GTF2H5: variants seen among roughly 807,000 people sequenced by gnomAD.
GTF2H5 encodes general transcription factor IIH subunit 5.
In GTF2H5, 5 loss-of-function variants were observed where a neutral mutation model predicts 7.1. The observed-to-expected ratio is 0.71, with a 90% confidence interval of 0.37 to 1.49. The LOEUF (loss-of-function observed/expected upper bound fraction) is 1.49. Among genes scored for constraint, GTF2H5 ranks in the 40% most tolerant of loss-of-function variants. The pLI is 0.03. For missense variants in GTF2H5, 80 were observed against 83.0 expected (o/e 0.96, Z 0.14); for synonymous variants, 30 against 31.7 (o/e 0.95, Z 0.18).
At chr6:158,183,372 C>G (rs1393836796) in intron 2 of GTF2H5, among the ~76,000 whole-genome samples, 1 of 152,174 alleles carries the variant, frequency 6.6e-6, no homozygotes, top group Admixed American at 6.5e-5. Flanking sequence ...TATCCATTAT[C>G]GGAGCTCAAA....
At chr6:158,175,667 G>T (rs1301537658) in intron 2 of GTF2H5, among the ~76,000 whole-genome samples, 2 of 152,110 alleles carry the variant, frequency 1.3e-5, no homozygotes, top group Non-Finnish European at 2.9e-5. Flanking sequence ...GGGAGGCTGA[G>T]GCAGGAGAAT....
At chr6:158,189,324 A>G (rs1177801364) in intron 2 of GTF2H5, among the ~76,000 whole-genome samples, 1 of 152,034 alleles carries the variant, frequency 6.6e-6, no homozygotes, top group Non-Finnish European at 1.5e-5. Flanking sequence ...ATAATCATCT[A>G]CAGACACCCC....
intron 1 of GTF2H5, among the ~76,000 whole-genome samples, chr6:158,169,132 G>T (rs1785697536): frequency 6.7e-6 from 1 of 150,170 alleles, no homozygotes; most frequent in African/African-American, 2.5e-5. Context: ...TGCTTGGGAG[G>T]CTGAGGCAGG....
In GTF2H5 at chr6:158,171,079, G is replaced by A. The variant is rs186211418; in HGVS notation, c.35+541G>A. Among the ~76,000 whole-genome samples the A allele has an allele frequency of 2.6e-5, 4 of 152,302 alleles. 2 individuals carry two copies. Among genetic ancestry groups the A allele is most frequent in the Admixed American group, 2.6e-4 (4 of 15,288 alleles). On this transcript the variant is annotated intron_variant, in intron 2 of 2. Coordinates refer to ENST00000607778, the MANE Select transcript of GTF2H5 (RefSeq NM_207118.3). ...CTTTCGGTGCCTCTAATATGAGCCA[G>A]TGCATGGATAATGATACTGTTTACT...
chr6:158,171,890 C>T (rs1174407785), intron 2 of GTF2H5, among the ~76,000 whole-genome samples: 3 of 152,128 alleles, frequency 2.0e-5, no homozygotes, highest in African/African-American at 7.2e-5. Context: ...GATCTGGACC[C>T]CAGAAGTTCT....
At chr6:158,172,398 G>A (rs1367239446) in intron 2 of GTF2H5, among the ~76,000 whole-genome samples, 3 of 151,614 alleles carry the variant, frequency 2.0e-5, no homozygotes, top group East Asian at 1.9e-4. Context: ...GGATTCAAGC[G>A]ATACTGCTGC....
intron 1 of GTF2H5, among the ~76,000 whole-genome samples, chr6:158,169,674 ATATAATATATAATATATATTATAT>A (rs1785782785): frequency 3.6e-5 from 2 of 55,474 alleles, no homozygotes; most frequent in South Asian, 4.3e-4. Context: ...ATTGTATATT[ATATAATATATAATATATATTATAT>A]AATATATTGT....
chr6:158,175,405 A>G (rs1445589836), intron 2 of GTF2H5, among the ~76,000 whole-genome samples: 1 of 152,218 alleles, frequency 6.6e-6, no homozygotes, highest in Non-Finnish European at 1.5e-5. Flanking sequence ...AACTGTAAGC[A>G]ACTTGTGATG....
Position 158,193,340 on chromosome 6 carries a change from A to G in GTF2H5, c.*1183A>G, listed in dbSNP as rs539470050. 1.3e-5 allele frequency: 2 copies of G among 152,284 alleles called. No homozygotes were observed. The highest frequency in any genetic ancestry group is 4.8e-5 in the African/African-American group (2 of 41,562). 9.4% of individuals were successfully genotyped at this position (152,284 alleles called of 1,614,324 possible). A position where few individuals can be genotyped will look rare whatever the true frequency, so the allele number is the denominator to read the frequency against. The stretch of plus-strand genomic sequence containing the variant: ...ATAGCAAGAGAGAGTTCTGTGATCA[A>G]TTGAAGGCAAAAACAGTAACACTGA... On this transcript the variant is annotated 3_prime_UTR_variant, in exon 3 of 3. Transcript: ENST00000607778.
At chr6:158,181,376 G>A (rs1434385366) in intron 2 of GTF2H5, among the ~76,000 whole-genome samples, 1 of 152,188 alleles carries the variant, frequency 6.6e-6, no homozygotes, top group East Asian at 1.9e-4. Flanking sequence ...TTCTGTAGAT[G>A]TCTGTTAGGT....
chr6:158,174,285 T>A (rs1406440794), intron 2 of GTF2H5, among the ~76,000 whole-genome samples: 12 of 152,190 alleles, frequency 7.9e-5, no homozygotes, highest in Non-Finnish European at 1.8e-4. Context: ...TCCACATATA[T>A]CTTAGATTGG....
rs34979024 is a variant in GTF2H5, at chr6:158,193,149, C to CA, written c.*1003dup. The CA allele has an allele frequency of 0.025, 3,356 of 136,396 alleles. 56 individuals are homozygous for CA. The highest frequency in any genetic ancestry group is 0.039 in the Non-Finnish European group (2,469 of 62,810). The allele number at this position is 136,396 out of a possible 1,614,324, so 8.4% of individuals were successfully genotyped here. On this transcript the variant is annotated 3_prime_UTR_variant, in exon 3 of 3. Coordinates refer to ENST00000607778, the MANE Select transcript of GTF2H5 (RefSeq NM_207118.3). ...TCCAGGAGTCGAAACCCTGTCTCTA[C>CA]AAAAAAAAAAATACAAAAATCTGCC...
In GTF2H5 at chr6:158,199,033, A is replaced by T. The variant is rs115534740; in HGVS notation, c.*6876A>T. 5.0e-3 allele frequency: 768 copies of T among 152,260 alleles called. 11 individuals are homozygous for T. Among genetic ancestry groups the T allele is most frequent in the African/African-American group, 0.018 (732 of 41,542 alleles). 9.4% of individuals were successfully genotyped at this position (152,260 alleles called of 1,614,324 possible). On this transcript the variant is annotated 3_prime_UTR_variant, in exon 3 of 3. Coordinates refer to ENST00000607778, the MANE Select transcript of GTF2H5 (RefSeq NM_207118.3). Reference sequence around the variant, plus strand: ...AATTTGTTAATTCTCCATGATTAGCACCTTTATGTGGTTATCTCATTATTT... The same window carrying T: ...AATTTGTTAATTCTCCATGATTAGCTCCTTTATGTGGTTATCTCATTATTT...
intron 2 of GTF2H5, 152 bp from the exon 3 acceptor site, chr6:158,191,825 G>C: frequency 1.5e-6 from 1 of 679,108 alleles, no homozygotes; most frequent in Admixed American, 2.2e-5. Flanking sequence ...TCTATAAATT[G>C]TTAACACTTG....
Position 158,196,069 on chromosome 6 carries a change from C to G in GTF2H5, c.*3912C>G, listed in dbSNP as rs1430961827. ...GGCCGAGGCGGGCAAATCACAAGGT[C>G]AGGAGATCAAAACAATCCTGGCTAA... On this transcript the variant is annotated 3_prime_UTR_variant, in exon 3 of 3. Transcript: ENST00000607778. The G allele has an allele frequency of 6.6e-6, 1 of 152,104 alleles. No individual in the cohort carries two copies. The highest frequency in any genetic ancestry group is 1.5e-5 in the Non-Finnish European group (1 of 68,060). 9.4% of individuals were successfully genotyped at this position (152,104 alleles called of 1,614,324 possible). A position where few individuals can be genotyped will look rare whatever the true frequency, so the allele number is the denominator to read the frequency against.
intron 1 of GTF2H5, among the ~76,000 whole-genome samples, chr6:158,169,497 A>ATATATAATATACTG (rs1562468379): frequency 1.2e-5 from 1 of 86,038 alleles, no homozygotes; most frequent in Non-Finnish European, 2.0e-5. Flanking sequence ...ATTGTATATT[A>ATATATAATATACTG]TATAATATAT....
intron 1 of GTF2H5, among the ~76,000 whole-genome samples, chr6:158,169,878 G>T (rs766679100): frequency 4.5e-4 from 63 of 141,564 alleles, no homozygotes; most frequent in Non-Finnish European, 8.2e-4. Context: ...ACATTAGCTG[G>T]GCTTAGTAGT....
chr6:158,169,686 ATATATATTATATAATATATTGTATAT>A (rs1438428068), intron 1 of GTF2H5, among the ~76,000 whole-genome samples: 2,589 of 29,444 alleles, frequency 0.088, 253 homozygotes, highest in African/African-American at 0.17. Flanking sequence ...ATAATATATA[ATATATATTATATAATATATTGTATAT>A]TATATATTAT....
intron 1 of GTF2H5, among the ~76,000 whole-genome samples, chr6:158,169,939 G>T (rs1562469776): frequency 6.7e-6 from 1 of 150,228 alleles, no homozygotes; most frequent in Non-Finnish European, 1.5e-5. Context: ...AGGATCGCTT[G>T]AACCCAGGAG....
Sources: gnomAD v4.1 joint callset for allele counts (sites outside exome capture counted in the v4.1 genomes callset) on GRCh38, gnomAD v4.1.1 for gene constraint, MANE v1.5 for transcripts, NCBI Gene and HGNC (gene_info 2026-07-23, HGNC 2026-07-21) for gene names.